The following ARHGAP6 variants were observed in gnomAD, a reference collection of about 807,000 sequenced individuals.
ARHGAP6 encodes Rho GTPase activating protein 6, also known as rho GTPase-activating protein 6.
ARHGAP6 carries 16 observed loss-of-function variants against 55.7 expected under a neutral mutation model. The ratio of observed to expected loss-of-function variants is 0.29; its 90% CI spans 0.19 to 0.44. The LOEUF is 0.44. ARHGAP6 is among the 20% of genes least tolerant of loss of function. The pLI, the probability that ARHGAP6 is intolerant of heterozygous loss-of-function variation, is 1.00. For synonymous variants in ARHGAP6, 382 were observed against 360.9 expected, an observed-to-expected ratio of 1.06 and a Z score of -0.66; for missense variants, 698 against 808.9, an observed-to-expected ratio of 0.86 and a Z score of 1.66.
intron 1 of ARHGAP6, among the ~76,000 whole-genome samples, chrX:11,316,958 T>G (rs2048366272): frequency 8.9e-6 from 1 of 112,494 alleles, no homozygotes; most frequent in Non-Finnish European, 1.9e-5. Context: ...AACAAAATAG[T>G]ACTATTATAT....
intron 1 of ARHGAP6, among the ~76,000 whole-genome samples, chrX:11,659,659 A>G (rs1214315337): frequency 8.9e-6 from 1 of 111,938 alleles, no homozygotes; most frequent in Non-Finnish European, 1.9e-5. Context: ...AGGTGAGCCC[A>G]ATGTAATCAC....
intron 1 of ARHGAP6, among the ~76,000 whole-genome samples, chrX:11,311,812 A>G (rs1461833418): frequency 9.0e-6 from 1 of 111,707 alleles, no homozygotes; most frequent in Non-Finnish European, 1.9e-5. Flanking sequence ...GTCAAAAAAT[A>G]AAACTCAGGC....
At chrX:11,409,964 TAAC>T (rs1422299133) in intron 1 of ARHGAP6, among the ~76,000 whole-genome samples, 5 of 111,506 alleles carry the variant, frequency 4.5e-5, no homozygotes, top group African/African-American at 1.3e-4. Context: ...CTAATAATAA[TAAC>T]AACAACAAGT....
At chrX:11,401,639 C>A (rs1411168164) in intron 1 of ARHGAP6, among the ~76,000 whole-genome samples, 2 of 111,363 alleles carry the variant, frequency 1.8e-5, no homozygotes, top group African/African-American at 6.5e-5. Context: ...CAGTTGAGAG[C>A]CACAGGGCTA....
chrX:11,266,774 T>G (rs1462133728), intron 1 of ARHGAP6, among the ~76,000 whole-genome samples: 1 of 111,906 alleles, frequency 8.9e-6, no homozygotes, highest in Non-Finnish European at 1.9e-5. Flanking sequence ...CTCAAGTGAA[T>G]TCCAACAAAA....
chrX:11,150,935 T>G (rs1404899707), intron 10 of ARHGAP6, among the ~76,000 whole-genome samples: 1 of 112,463 alleles, frequency 8.9e-6, no homozygotes, highest in African/African-American at 3.2e-5. Flanking sequence ...TTAGCTTGGA[T>G]TTTTAAAAAA....
intron 1 of ARHGAP6, among the ~76,000 whole-genome samples, chrX:11,537,806 GCT>G (rs1401905868): frequency 8.9e-6 from 1 of 111,827 alleles, no homozygotes; most frequent in East Asian, 2.8e-4. Flanking sequence ...CATTCTATTA[GCT>G]ATCAGCATGA....
intron 5 of ARHGAP6, 127 bp from the exon 6 acceptor site, chrX:11,182,245 C>CAGT: frequency 6.8e-6 from 3 of 439,396 alleles, no homozygotes; most frequent in Non-Finnish European, 1.2e-5. Flanking sequence ...TGACAGCATA[C>CAGT]AGTAATGCTT....
At chrX:11,399,278 A>T (rs2049517350) in intron 1 of ARHGAP6, among the ~76,000 whole-genome samples, 1 of 99,404 alleles carries the variant, frequency 1.0e-5, no homozygotes, top group Admixed American at 1.2e-4. Context: ...GTGTGATTTT[A>T]TGTGCCTCCC....
chrX:11,187,506 T>C lies in ARHGAP6; in HGVS notation c.1078-1075A>G, dbSNP rs187397352. ...CACAGTCTGAGACACAATGACAGAATTAGAAGAACAATTCCATCATGCAAC... is the reference window on the plus strand; with the variant it reads ...CACAGTCTGAGACACAATGACAGAACTAGAAGAACAATTCCATCATGCAAC... On this transcript the variant is annotated intron_variant, in intron 4 of 12. Coordinates refer to ENST00000337414, the MANE Select transcript of ARHGAP6 (RefSeq NM_013427.3). Among the ~76,000 whole-genome samples the C allele has an allele frequency of 2.8e-4, 31 of 112,261 alleles. No homozygotes were observed. In the East Asian group the frequency reaches 5.3e-3, roughly 19 times the overall value.
At chrX:11,618,813 T>C (rs1173100235) in intron 1 of ARHGAP6, among the ~76,000 whole-genome samples, 1 of 112,039 alleles carries the variant, frequency 8.9e-6, no homozygotes, top group Non-Finnish European at 1.9e-5. Flanking sequence ...ATTACATATA[T>C]CAAGGAAAAG....
chrX:11,379,687 C>A (rs1311800666), intron 1 of ARHGAP6, among the ~76,000 whole-genome samples: 1 of 111,428 alleles, frequency 9.0e-6, no homozygotes, highest in African/African-American at 3.3e-5. Flanking sequence ...CTTGAACTGT[C>A]CAGAACATAA....
intron 1 of ARHGAP6, among the ~76,000 whole-genome samples, chrX:11,620,543 G>A (rs747266858): frequency 1.8e-5 from 2 of 112,544 alleles, no homozygotes; most frequent in South Asian, 7.5e-4. Flanking sequence ...TTTCCAATGG[G>A]AGACGAAAAG....
chrX:11,303,297 G>A (rs1418044383), intron 1 of ARHGAP6, among the ~76,000 whole-genome samples: 1 of 112,355 alleles, frequency 8.9e-6, no homozygotes, highest in African/African-American at 3.2e-5. Context: ...GCCATAGGCC[G>A]ACATTTAGAT....
chrX:11,517,502 C>T (rs1403582406), intron 1 of ARHGAP6, among the ~76,000 whole-genome samples: 1 of 111,639 alleles, frequency 9.0e-6, no homozygotes. Flanking sequence ...ATCCTTTCCA[C>T]TTCCATAGGT....
chrX:11,252,863 T>C (rs926527707), intron 2 of ARHGAP6, among the ~76,000 whole-genome samples: 3 of 112,018 alleles, frequency 2.7e-5, no homozygotes, highest in African/African-American at 9.7e-5. Flanking sequence ...GTCAGTGTTT[T>C]TGTGCTACTC....
At position 11,363,321 on chromosome X, in the gene ARHGAP6, C is replaced by T. The variant is rs141660730; in HGVS notation, c.589-108614G>A. On this transcript the variant is annotated intron_variant, in intron 1 of 12. Transcript: ENST00000337414. ...AGCACACAAACACACATTTGGATCACCTCTGTTCCACCACACAAAACAGTC... is the reference window on the plus strand; with the variant it reads ...AGCACACAAACACACATTTGGATCATCTCTGTTCCACCACACAAAACAGTC... Among the ~76,000 whole-genome samples, 34 of 112,247 alleles carry T rather than the reference C, an allele frequency of 3.0e-4. No homozygotes were observed. The East Asian group carries it at 8.7e-3, about 29-fold the overall frequency.
At chrX:11,330,869 C>G (rs774857896) in intron 1 of ARHGAP6, among the ~76,000 whole-genome samples, 140 of 111,977 alleles carry the variant, frequency 1.3e-3, no homozygotes, top group Non-Finnish European at 2.1e-3. Context: ...CCTCTCTATT[C>G]TCATGGATGT....
intron 1 of ARHGAP6, among the ~76,000 whole-genome samples, chrX:11,387,857 T>C (rs1344979461): frequency 1.8e-5 from 2 of 111,689 alleles, no homozygotes; most frequent in African/African-American, 6.5e-5. Context: ...TCCAGCTTCA[T>C]CCATGTCCCT....
Sources: gnomAD v4.1 joint callset for allele counts (sites outside exome capture counted in the v4.1 genomes callset) on GRCh38, gnomAD v4.1.1 for gene constraint, MANE v1.5 for transcripts, NCBI Gene and HGNC (gene_info 2026-07-23, HGNC 2026-07-21) for gene names.